The following TRUB2 variants were observed in gnomAD, a reference collection of about 807,000 sequenced individuals.
The protein encoded by TRUB2 is pseudouridylate synthase TRUB2, mitochondrial.
TRUB2 carries 31 observed loss-of-function variants against 31.9 expected under a neutral mutation model. The ratio of observed to expected loss-of-function variants is 0.97; its 90% CI spans 0.73 to 1.31. The LOEUF (loss-of-function observed/expected upper bound fraction) is 1.31, where lower values mean the gene tolerates loss of function less well. Ranked by LOEUF, TRUB2 falls within the 50% of genes most tolerant of loss-of-function variation. TRUB2 has a pLI of 0.00. For synonymous variants in TRUB2, 201 were observed against 182.6 expected, an observed-to-expected ratio of 1.10 and a Z score of -0.81; for missense variants, 451 against 439.6, an observed-to-expected ratio of 1.03 and a Z score of -0.23.
At position 128,322,398 on chromosome 9, in the gene TRUB2, G is replaced by T. The variant is rs914350659; in HGVS notation, c.11C>A (p.Ala4Asp). Residue 4 changes from alanine (A) to aspartate (D), a missense_variant, in exon 1 of 8, where the codon GCT becomes GAT. Transcript: ENST00000372890. ...AAGCCCATGCAGCCGCGACAAGCCAGCAGACCCCATACTTGAAGATCACAG... is the reference window on the plus strand; with the variant it reads ...AAGCCCATGCAGCCGCGACAAGCCATCAGACCCCATACTTGAAGATCACAG... MGS[A>D]GLSRLHGLFA... 20 of 1,614,022 alleles carry T rather than the reference G, an allele frequency of 1.2e-5. No homozygotes were observed. The highest frequency in any genetic ancestry group is 1.6e-5 in the Non-Finnish European group (19 of 1,180,028).
Position 128,309,556 on chromosome 9 carries a change from C to T in TRUB2, c.990G>A (p.Gly330=). 2 of 1,609,296 alleles carry T rather than the reference C, an allele frequency of 1.2e-6. No homozygotes were observed. The highest frequency in any genetic ancestry group is 1.1e-5 in the South Asian group (1 of 90,964). ...SSTLGLERGA[G]Q ...CCAGGAGCTGCCTGGGCATTCACTG[C>T]CCCGCACCCCTCTCCAGCCCCAAGG... The change falls in exon 8 of 8, where the codon GGG becomes GGA. Residue 330 remains glycine, a synonymous_variant. Transcript: ENST00000372890.
chr9:128,312,871 C>T (rs1831997325), intron 5 of TRUB2, among the ~76,000 whole-genome samples: 1 of 151,884 alleles, frequency 6.6e-6, no homozygotes, highest in Non-Finnish European at 1.5e-5. Flanking sequence ...CTCGACCTCC[C>T]AAAGTGCTGG....
intron 3 of TRUB2, chr9:128,315,879 T>C (rs1351722977): frequency 7.7e-6 from 4 of 518,732 alleles, no homozygotes; most frequent in Non-Finnish European, 1.4e-5. Context: ...TGCCAAGCTC[T>C]CCACAGGATT....
At chr9:128,320,551 C>T (rs1299069448) in intron 2 of TRUB2, among the ~76,000 whole-genome samples, 1 of 151,886 alleles carries the variant, frequency 6.6e-6, no homozygotes, top group Non-Finnish European at 1.5e-5. Flanking sequence ...AGGCTGGTCT[C>T]GAACTCCCGA....
intron 2 of TRUB2, among the ~76,000 whole-genome samples, chr9:128,320,083 T>G (rs772048898): frequency 1.3e-5 from 2 of 151,354 alleles, no homozygotes; most frequent in Non-Finnish European, 2.9e-5. Context: ...GCCCGGCTAA[T>G]TTCTTTGTAT....
intron 5 of TRUB2, 119 bp downstream of exon 5, chr9:128,313,689 C>A: frequency 1.1e-6 from 1 of 885,214 alleles, no homozygotes; most frequent in South Asian, 1.5e-5. Flanking sequence ...GCCAAAGCCT[C>A]AGCCCAAGCC....
intron 4 of TRUB2, among the ~76,000 whole-genome samples, chr9:128,315,085 C>T (rs2131448865): frequency 6.6e-6 from 1 of 152,268 alleles, no homozygotes; most frequent in South Asian, 2.1e-4. Context: ...CTCCATAGCC[C>T]CGACCCCACC....
At chr9:128,313,156 G>T (rs1832002873) in intron 5 of TRUB2, among the ~76,000 whole-genome samples, 1 of 151,754 alleles carries the variant, frequency 6.6e-6, no homozygotes, top group Non-Finnish European at 1.5e-5. Flanking sequence ...GGTGGAGGTT[G>T]CAGTAAGCCA....
At chr9:128,313,322 C>G (rs557958220) in intron 5 of TRUB2, among the ~76,000 whole-genome samples, 46 of 151,240 alleles carry the variant, frequency 3.0e-4, no homozygotes, top group Non-Finnish European at 6.2e-4. Flanking sequence ...GTCAGGAGAT[C>G]CAGACCATCT....
At chr9:128,314,491 G>T (rs1214451209) in intron 4 of TRUB2, among the ~76,000 whole-genome samples, 1 of 152,038 alleles carries the variant, frequency 6.6e-6, no homozygotes, top group Non-Finnish European at 1.5e-5. Flanking sequence ...GTAATGATTG[G>T]CTGGATACAG....
rs1831849701 is a variant in TRUB2, at chr9:128,305,393, G to C, written c.*4157C>G. Reference sequence around the variant, plus strand: ...TTGCTGGTGGGGTTTTTGTTTGTTTGTTTTGAGATAGGGTCTCACCCTGTC... The same window carrying C: ...TTGCTGGTGGGGTTTTTGTTTGTTTCTTTTGAGATAGGGTCTCACCCTGTC... On this transcript the variant is annotated 3_prime_UTR_variant, in exon 8 of 8. Coordinates refer to ENST00000372890, the MANE Select transcript of TRUB2 (RefSeq NM_015679.3). 1 of 152,256 alleles carries C rather than the reference G, an allele frequency of 6.6e-6. No homozygotes were observed. Among genetic ancestry groups the C allele is most frequent in the South Asian group, 2.1e-4 (1 of 4,824 alleles). 9.4% of individuals were successfully genotyped at this position (152,256 alleles called of 1,614,324 possible).
chr9:128,314,872 C>T (rs1832040848), intron 4 of TRUB2, among the ~76,000 whole-genome samples: 1 of 152,162 alleles, frequency 6.6e-6, no homozygotes, highest in Non-Finnish European at 1.5e-5. Context: ...GTCACCACAC[C>T]TGGCCCTCAT....
At position 128,309,798 on chromosome 9, in the gene TRUB2, C is replaced by T; in HGVS notation, c.748G>A (p.Ala250Thr). 6.2e-7 allele frequency: 1 copy of T among 1,614,258 alleles called. No homozygotes were observed. The highest frequency in any genetic ancestry group is 8.5e-7 in the Non-Finnish European group (1 of 1,180,050). ...GTGCGCCGCACTTGGGTGCAGACAG[C>T]AGTGGTCTTTAGTTCCAGGCCGATT... Reference protein sequence around the residue: ...HEIGLELKTTAVCTQVRRTRD... With the variant: ...HEIGLELKTTTVCTQVRRTRD... The change falls in exon 8 of 8, where the codon GCT (alanine) becomes ACT (threonine). Residue 250 changes from alanine (A) to threonine (T), a missense_variant. Coordinates refer to ENST00000372890, the MANE Select transcript of TRUB2 (RefSeq NM_015679.3).
chr9:128,319,942 G>T (rs1229061841), intron 2 of TRUB2, among the ~76,000 whole-genome samples: 1 of 149,992 alleles, frequency 6.7e-6, no homozygotes, highest in African/African-American at 2.5e-5. Flanking sequence ...TTGAGACTGA[G>T]TCTCGCTGTG....
chr9:128,311,692 A>G, intron 5 of TRUB2, 91 bp from the exon 6 acceptor site: 1 of 1,378,018 alleles, frequency 7.3e-7, no homozygotes. Context: ...CCATCCCTGG[A>G]ACATGGAGAG....
intron 4 of TRUB2, among the ~76,000 whole-genome samples, chr9:128,314,595 AT>A (rs1031372205): frequency 1.3e-5 from 2 of 151,862 alleles, no homozygotes; most frequent in African/African-American, 4.8e-5. Flanking sequence ...AGCCTGGCTA[AT>A]TTTTTTGTAT....
chr9:128,317,008 C>T, intron 3 of TRUB2, 144 bp downstream of exon 3: 1 of 683,676 alleles, frequency 1.5e-6, no homozygotes, highest in Non-Finnish European at 2.4e-6. Flanking sequence ...CACTCCCCAG[C>T]TGATCAGCCT....
At chr9:128,318,786 G>A (rs1015707434) in intron 2 of TRUB2, among the ~76,000 whole-genome samples, 3 of 151,778 alleles carry the variant, frequency 2.0e-5, no homozygotes, top group African/African-American at 4.8e-5. Context: ...CGCCTGCCTC[G>A]GCCTCCCAAA....
At chr9:128,310,326 C>T (rs1293244759) in intron 7 of TRUB2, among the ~76,000 whole-genome samples, 4 of 151,748 alleles carry the variant, frequency 2.6e-5, no homozygotes, top group South Asian at 2.1e-4. Flanking sequence ...TACTAAGACT[C>T]GGTTTCCCTA....
Sources: gnomAD v4.1 joint callset for allele counts (sites outside exome capture counted in the v4.1 genomes callset) on GRCh38, gnomAD v4.1.1 for gene constraint, MANE v1.5 for transcripts, NCBI Gene and HGNC (gene_info 2026-07-23, HGNC 2026-07-21) for gene names.